Variants in PHACTR2 observed in about 807,000 individuals in gnomAD.
The protein encoded by PHACTR2 is chromosome 6 open reading frame 56.
In PHACTR2, 30 loss-of-function variants were observed where a neutral mutation model predicts 76.0. The ratio of observed to expected loss-of-function variants is 0.39; its 90% CI spans 0.30 to 0.54. The LOEUF (loss-of-function observed/expected upper bound fraction) is 0.54. PHACTR2 is among the 20% of genes least tolerant of loss of function. The pLI is 0.61. For missense variants in PHACTR2, 696 were observed against 781.1 expected, an observed-to-expected ratio of 0.89 and a Z score of 1.30; for synonymous variants, 292 against 292.5, an observed-to-expected ratio of 1.00 and a Z score of 0.02.
rs1776013854 is a variant in PHACTR2, at chr6:143,803,926, GGCAAACAGGA to G, written c.1846-3130_1846-3121del. Among the ~76,000 whole-genome samples the G allele has an allele frequency of 6.6e-6, 1 of 152,150 alleles. No individual in the cohort carries two copies. The highest frequency in any genetic ancestry group is 2.4e-5 in the African/African-American group (1 of 41,432). Reference sequence around the variant, plus strand: ...AGTGTTGCCAGGCAAATATTCTCAGGGCAAACAGGAAAAGGGTTAATGCGCATCTCTCTCT... The same window carrying G: ...AGTGTTGCCAGGCAAATATTCTCAGGAAAGGGTTAATGCGCATCTCTCTCT... On this transcript the variant is annotated intron_variant, in intron 11 of 12. Coordinates refer to ENST00000440869, the MANE Select transcript of PHACTR2 (RefSeq NM_001100164.2). The surrounding 1 kb of genome is among the most constrained non-coding windows in gnomAD (Gnocchi z 4.7).
intron 1 of PHACTR2, among the ~76,000 whole-genome samples, chr6:143,593,519 A>T (rs776085626): frequency 3.9e-5 from 6 of 152,244 alleles, no homozygotes; most frequent in Non-Finnish European, 7.3e-5. Context: ...TTAAAGATAC[A>T]TATTCTTTTC....
intron 11 of PHACTR2, among the ~76,000 whole-genome samples, chr6:143,792,471 C>T (rs1251547146): frequency 1.3e-5 from 2 of 151,942 alleles, no homozygotes; most frequent in East Asian, 3.9e-4. Flanking sequence ...CCTAGTTGAC[C>T]CTGCTCTAGT....
chr6:143,764,078 G>T lies in PHACTR2; in HGVS notation c.695-1183G>T, dbSNP rs893515681. Among the ~76,000 whole-genome samples the T allele has an allele frequency of 2.0e-5, 3 of 152,214 alleles. No individual in the cohort carries two copies. Among genetic ancestry groups the T allele is most frequent in the South Asian group, 4.1e-4 (2 of 4,824 alleles). On this transcript the variant is annotated intron_variant, in intron 5 of 12. Coordinates refer to ENST00000440869, the MANE Select transcript of PHACTR2 (RefSeq NM_001100164.2). This position sits in a 1 kb window ranked among gnomAD's most constrained non-coding sequence, Gnocchi z 4.7. The stretch of plus-strand genomic sequence containing the variant: ...TTTTGAAACTGTTTTGATTGAGGGT[G>T]CCCTATCCGGAAGTAGGCAAATATA...
chr6:143,584,784 G>A (rs1179604708), intron 1 of PHACTR2, among the ~76,000 whole-genome samples: 1 of 152,136 alleles, frequency 6.6e-6, no homozygotes, highest in Non-Finnish European at 1.5e-5. Context: ...CAAGTATAGG[G>A]TTAGAAGGAG....
intron 1 of PHACTR2, among the ~76,000 whole-genome samples, chr6:143,668,966 G>T (rs1390926847): frequency 6.6e-6 from 1 of 152,072 alleles, no homozygotes; most frequent in Non-Finnish European, 1.5e-5. Flanking sequence ...TGATGTTAGG[G>T]TGTCGATTTT....
chr6:143,724,230 C>T (rs535749044), intron 2 of PHACTR2, among the ~76,000 whole-genome samples: 85 of 152,302 alleles, frequency 5.6e-4, no homozygotes, highest in Non-Finnish European at 1.1e-3. Context: ...CCGCCTCCTT[C>T]ATGCCATTCT....
In PHACTR2 at chr6:143,730,299, T is replaced by C. The variant is rs555870842; in HGVS notation, c.214+18116T>C. Among the ~76,000 whole-genome samples the C allele has an allele frequency of 4.3e-4, 66 of 152,340 alleles. No homozygotes were observed. Among genetic ancestry groups the C allele is most frequent in the Middle Eastern group, 3.4e-3 (1 of 294 alleles). On this transcript the variant is annotated intron_variant, in intron 2 of 12. Transcript: ENST00000440869. The surrounding 1 kb of genome is among the most constrained non-coding windows in gnomAD (Gnocchi z 4.8). ...CTGATACCTATACCATATTGAACTT[T>C]CTAATTTATGAACTGGTATGCCTCT...
intron 12 of PHACTR2, among the ~76,000 whole-genome samples, chr6:143,815,158 TAA>T (rs138188040): frequency 0.012 from 1,859 of 152,224 alleles, 38 homozygotes; most frequent in African/African-American, 0.043. Flanking sequence ...GGACAGAAAT[TAA>T]AAGAGTTGCA....
intron 10 of PHACTR2, among the ~76,000 whole-genome samples, chr6:143,785,505 T>G (rs1775535264): frequency 6.6e-6 from 1 of 152,156 alleles, no homozygotes; most frequent in Admixed American, 6.5e-5. Flanking sequence ...TGTTGGTGGA[T>G]CTACCATTCT....
chr6:143,742,417 C>T lies in PHACTR2; in HGVS notation c.215-6568C>T, dbSNP rs1188819221. ...ACTAGCCACTCTTGCTCATATTTGT[C>T]TGGTTTTAACAGCTCCAGAAGAAAG... is the stretch of plus-strand genomic sequence containing the variant. On this transcript the variant is annotated intron_variant, in intron 2 of 12. Transcript: ENST00000440869. This position sits in a 1 kb window ranked among gnomAD's most constrained non-coding sequence, Gnocchi z 4.5. 2.0e-5 allele frequency among the ~76,000 whole-genome samples: 3 copies of T among 152,198 alleles called. No homozygotes were observed. The highest frequency in any genetic ancestry group is 4.4e-5 in the Non-Finnish European group (3 of 68,042).
chr6:143,589,588 T>G lies in PHACTR2; in HGVS notation c.217+52381T>G, dbSNP rs1053669964. 6.6e-6 allele frequency among the ~76,000 whole-genome samples: 1 copy of G among 152,182 alleles called. No individual in the cohort carries two copies. Among genetic ancestry groups the G allele is most frequent in the African/African-American group, 2.4e-5 (1 of 41,448 alleles). On this transcript the variant is annotated intron_variant, in intron 1 of 11. Coordinates refer to the PHACTR2 transcript ENST00000367584. The surrounding 1 kb of genome is among the most constrained non-coding windows in gnomAD (Gnocchi z 4.4). ...CCGTCTTGTATCCTCAGGTGGTCTT[T>G]TCTCTGTGTGTTCACTTCCGGTGTC...
At chr6:143,544,457 C>CCACCTCCCTATGCTAGGTTTAAGT (rs374117154) in intron 1 of PHACTR2, among the ~76,000 whole-genome samples, 8 of 152,224 alleles carry the variant, frequency 5.3e-5, no homozygotes, top group East Asian at 1.9e-4. Flanking sequence ...TTGACACCTG[C>CCACCTCCCTATGCTAGGTTTAAGT]CACCTCCCTA....
chr6:143,785,038 A>C (rs1775522749), intron 10 of PHACTR2, among the ~76,000 whole-genome samples: 1 of 152,114 alleles, frequency 6.6e-6, no homozygotes, highest in Non-Finnish European at 1.5e-5. Context: ...TCACATTTCA[A>C]AACCAATCAT....
intron 1 of PHACTR2, among the ~76,000 whole-genome samples, chr6:143,566,905 G>A (rs1291968734): frequency 2.6e-5 from 4 of 151,506 alleles, no homozygotes; most frequent in African/African-American, 9.7e-5. Flanking sequence ...TAGTCAGTCA[G>A]CATTCAAATT....
chr6:143,551,791 C>A (rs1420126516), intron 1 of PHACTR2, among the ~76,000 whole-genome samples: 5 of 152,110 alleles, frequency 3.3e-5, no homozygotes, highest in African/African-American at 7.2e-5. Context: ...TATTATAATA[C>A]CCATTGAAAA....
rs1776646040 is a variant in PHACTR2, at chr6:143,830,569, G to A, written c.*6880G>A. The A allele has an allele frequency of 6.6e-6, 1 of 152,108 alleles. No homozygotes were observed. The highest frequency in any genetic ancestry group is 1.5e-5 in the Non-Finnish European group (1 of 68,010). The allele number at this position is 152,108 out of a possible 1,614,324, so 9.4% of individuals were successfully genotyped here. A position where few individuals can be genotyped will look rare whatever the true frequency, so the allele number is the denominator to read the frequency against. On this transcript the variant is annotated 3_prime_UTR_variant, in exon 13 of 13. Transcript: ENST00000440869. ...AGTATGTGGGTATAAATATCTACAA[G>A]TATACACACATATGTACTTGTATTC... is the stretch of plus-strand genomic sequence containing the variant.
In PHACTR2 at chr6:143,680,147, C is replaced by CA. The variant is rs531003832; in HGVS notation, c.46+1951dup. Among the ~76,000 whole-genome samples, 1,789 of 138,344 alleles carry CA rather than the reference C, an allele frequency of 0.013. 27 individuals are homozygous for CA. The highest frequency in any genetic ancestry group is 0.035 in the African/African-American group (1,328 of 38,442). 90.8% of individuals were successfully genotyped at this position (138,344 alleles called of 152,430 possible). A position where few individuals can be genotyped will look rare whatever the true frequency, so the allele number is the denominator to read the frequency against. On this transcript the variant is annotated intron_variant, in intron 1 of 12. Transcript: ENST00000440869. The surrounding 1 kb of genome is among the most constrained non-coding windows in gnomAD (Gnocchi z 4.5). ...TTGCCATCAGATTCCAAATGAAAAC[C>CA]AAAAAAAAAAAAATTTAAATTAAAT...
Position 143,553,201 on chromosome 6 carries a change from C to T in PHACTR2, c.217+15994C>T, listed in dbSNP as rs529924842. 2.8e-4 allele frequency among the ~76,000 whole-genome samples: 43 copies of T among 152,262 alleles called. No individual in the cohort carries two copies. The highest frequency in any genetic ancestry group is 4.9e-4 in the Non-Finnish European group (33 of 68,026). Reference sequence around the variant, plus strand: ...ACAAAAATCCAGCTCATAGAGACTGCAGTATAGTGAGGGTGTCAAAGATAA... The same window carrying T: ...ACAAAAATCCAGCTCATAGAGACTGTAGTATAGTGAGGGTGTCAAAGATAA... On this transcript the variant is annotated intron_variant, in intron 1 of 11. Coordinates refer to the PHACTR2 transcript ENST00000367584. This position sits in a 1 kb window ranked among gnomAD's most constrained non-coding sequence, Gnocchi z 4.2.
In PHACTR2 at chr6:143,621,873, C is replaced by T. The variant is rs912615519; in HGVS notation, c.13+13551C>T. On this transcript the variant is annotated intron_variant, in intron 1 of 11. Coordinates refer to the PHACTR2 transcript ENST00000305766. This position sits in a 1 kb window ranked among gnomAD's most constrained non-coding sequence, Gnocchi z 4.1. The stretch of plus-strand genomic sequence containing the variant: ...GCCCCAGGTCCCCCTGCTCTGGCTC[C>T]CTGAGTTCCTGCCTTGCTCACCTCT... 1.3e-5 allele frequency among the ~76,000 whole-genome samples: 2 copies of T among 152,210 alleles called. No individual in the cohort carries two copies. Among genetic ancestry groups the T allele is most frequent in the African/African-American group, 4.8e-5 (2 of 41,450 alleles).
Sources: gnomAD v4.1 joint callset for allele counts (sites outside exome capture counted in the v4.1 genomes callset) on GRCh38, gnomAD v4.1.1 for gene constraint, Gnocchi (gnomAD v3.1) non-coding constraint, MANE v1.5 for transcripts, NCBI Gene and HGNC (gene_info 2026-07-23, HGNC 2026-07-21) for gene names.